SPAG17: variants seen among roughly 807,000 people sequenced by gnomAD.
SPAG17 encodes the protein sperm-associated antigen 17.
SPAG17 carries 169 observed loss-of-function variants against 273.6 expected under a neutral mutation model. The ratio of observed to expected loss-of-function variants is 0.62; its 90% confidence interval spans 0.55 to 0.70. SPAG17 has a LOEUF of 0.70. SPAG17 is among the 30% of genes least tolerant of loss of function. The pLI, the probability that SPAG17 is intolerant of heterozygous loss-of-function variation, is 0.00. For missense variants in SPAG17, 2,557 were observed against 2,627.8 expected (o/e 0.97, Z 0.59); for synonymous variants, 825 against 873.2 (o/e 0.94, Z 0.97).
chr1:118,011,782 G>A (rs760190784), intron 30 of SPAG17, among the ~76,000 whole-genome samples: 4 of 151,898 alleles, frequency 2.6e-5, no homozygotes, highest in Non-Finnish European at 5.9e-5. Flanking sequence ...ACACAGTGAG[G>A]AGTGTGTTGG....
At chr1:117,970,741 C>T (rs1295143647) in intron 45 of SPAG17, among the ~76,000 whole-genome samples, 1 of 152,176 alleles carries the variant, frequency 6.6e-6, no homozygotes, top group Admixed American at 6.5e-5. Context: ...ACTGCTTCTT[C>T]CTCCATCAAC....
intron 42 of SPAG17, among the ~76,000 whole-genome samples, chr1:117,982,530 C>A (rs1043372099): frequency 6.6e-6 from 1 of 152,144 alleles, no homozygotes; most frequent in Non-Finnish European, 1.5e-5. Context: ...CGTGAGCCAC[C>A]GTGCCCGGCC....
chr1:117,982,854 C>A (rs376100558), intron 42 of SPAG17, among the ~76,000 whole-genome samples: 2 of 152,214 alleles, frequency 1.3e-5, no homozygotes, highest in African/African-American at 4.8e-5. Flanking sequence ...GAACAATCAT[C>A]CCATCTTTTT....
At chr1:118,159,640 T>A (rs1305922768) in intron 1 of SPAG17, among the ~76,000 whole-genome samples, 1 of 152,198 alleles carries the variant, frequency 6.6e-6, no homozygotes, top group Non-Finnish European at 1.5e-5. Flanking sequence ...AATTTAGATA[T>A]GTCCTGGGGA....
At chr1:118,052,670 AT>A (rs776835329) in intron 20 of SPAG17, among the ~76,000 whole-genome samples, 1 of 152,034 alleles carries the variant, frequency 6.6e-6, no homozygotes, top group African/African-American at 2.4e-5. Flanking sequence ...AATAGATACC[AT>A]TTTTTCTCAG....
intron 3 of SPAG17, among the ~76,000 whole-genome samples, chr1:118,147,947 T>C (rs1659124675): frequency 6.6e-6 from 1 of 152,122 alleles, no homozygotes; most frequent in Admixed American, 6.6e-5. Context: ...TTGATTAAAA[T>C]TGTGTTTAAA....
intron 6 of SPAG17, among the ~76,000 whole-genome samples, chr1:118,098,618 G>A (rs1655866922): frequency 6.6e-6 from 1 of 151,938 alleles, no homozygotes; most frequent in Admixed American, 6.6e-5. Flanking sequence ...AGATCATCAG[G>A]AATAGCCTAG....
chr1:118,139,376 C>G (rs564436225), intron 3 of SPAG17, among the ~76,000 whole-genome samples: 55 of 152,168 alleles, frequency 3.6e-4, no homozygotes, highest in African/African-American at 1.2e-3. Context: ...ATATAAGTTA[C>G]GACAGCCCAT....
chr1:118,063,086 G>T (rs1216577518), intron 18 of SPAG17, among the ~76,000 whole-genome samples: 1 of 152,124 alleles, frequency 6.6e-6, no homozygotes, highest in Non-Finnish European at 1.5e-5. Flanking sequence ...AATAAAAGAG[G>T]ATACAAACAA....
chr1:118,103,861 G>GTGTGTGTGTGTGTA (rs1285623226), intron 4 of SPAG17, among the ~76,000 whole-genome samples: 1 of 151,474 alleles, frequency 6.6e-6, no homozygotes, highest in Non-Finnish European at 1.5e-5. Context: ...GTGTGTGTGT[G>GTGTGTGTGTGTGTA]TGTGTGTGTG....
At chr1:117,986,860 A>G (rs541887058) in intron 40 of SPAG17, among the ~76,000 whole-genome samples, 4 of 152,324 alleles carry the variant, frequency 2.6e-5, no homozygotes, top group African/African-American at 9.6e-5. Flanking sequence ...TCTTCCCTGA[A>G]GCAGGACATA....
intron 48 of SPAG17, chr1:117,958,993 G>C: frequency 1.2e-6 from 2 of 1,613,826 alleles, no homozygotes; most frequent in South Asian, 2.2e-5. Context: ...TCAAAAGTCA[G>C]CCAAGTCCGG....
chr1:118,031,574 G>A (rs1449432716), intron 25 of SPAG17, 118 bp downstream of exon 25: 3 of 1,092,700 alleles, frequency 2.7e-6, no homozygotes, highest in African/African-American at 3.2e-5. Context: ...GGACGTTAAT[G>A]TATCTGCACA....
intron 28 of SPAG17, among the ~76,000 whole-genome samples, chr1:118,020,099 G>A (rs918673875): frequency 1.3e-5 from 2 of 152,264 alleles, no homozygotes; most frequent in Admixed American, 1.3e-4. Flanking sequence ...AATAAAATAA[G>A]CAAAATAGAC....
intron 43 of SPAG17, among the ~76,000 whole-genome samples, chr1:117,976,331 A>G (rs1306029066): frequency 6.6e-6 from 1 of 152,176 alleles, no homozygotes; most frequent in Non-Finnish European, 1.5e-5. Context: ...TTACTGCTGG[A>G]CCTGAGCCGA....
In SPAG17 at chr1:117,996,753, A is replaced by G; in HGVS notation, c.4777-10T>C. The G allele has an allele frequency of 1.3e-6, 2 of 1,590,954 alleles. No homozygotes were observed. Among genetic ancestry groups the G allele is most frequent in the Non-Finnish European group, 1.7e-6 (2 of 1,173,434 alleles). On this transcript the variant is annotated splice_polypyrimidine_tract_variant and intron_variant, in intron 32 of 48. Transcript: ENST00000336338. The stretch of plus-strand genomic sequence containing the variant: ...TACCATCAGCCATGACCTAAGGGAT[A>G]AAGTATGTAAGCAACTAAAAGAAAA...
intron 21 of SPAG17, among the ~76,000 whole-genome samples, chr1:118,041,346 T>TC (rs1335362065): frequency 6.6e-6 from 1 of 152,012 alleles, no homozygotes; most frequent in African/African-American, 2.4e-5. Flanking sequence ...CATTTTTTTT[T>TC]CCCATCAGGT....
chr1:118,080,338 T>C (rs895076080), intron 15 of SPAG17, among the ~76,000 whole-genome samples: 1 of 152,152 alleles, frequency 6.6e-6, no homozygotes, highest in Non-Finnish European at 1.5e-5. Context: ...GAGGATATAT[T>C]GTGAGGGAAA....
At chr1:117,975,871 T>TTTA (rs1571117638) in intron 43 of SPAG17, among the ~76,000 whole-genome samples, 1 of 152,338 alleles carries the variant, frequency 6.6e-6, no homozygotes, top group East Asian at 1.9e-4. Flanking sequence ...ATCAGTCTAA[T>TTTA]AAGTACTAAT....
Sources: allele counts gnomAD v4.1 joint callset (sites outside exome capture counted in the v4.1 genomes callset), GRCh38; gene constraint gnomAD v4.1.1; transcripts MANE v1.5; gene names NCBI Gene and HGNC (gene_info 2026-07-23, HGNC 2026-07-21).